VAV3: variants seen among roughly 807,000 people sequenced by gnomAD.
VAV3 encodes the protein guanine nucleotide exchange factor VAV3.
A neutral mutation model predicts 131.2 loss-of-function variants in VAV3; 94 were observed. That is an observed-to-expected ratio of 0.72 (90% CI 0.61 to 0.85). The LOEUF (loss-of-function observed/expected upper bound fraction) is 0.85. Ranked by LOEUF, VAV3 falls within the 40% of genes least tolerant of loss-of-function variation. The pLI is 0.00. For missense variants in VAV3, 939 were observed against 1,002.7 expected, an observed-to-expected ratio of 0.94 and a Z score of 0.86; for synonymous variants, 349 against 342.0, an observed-to-expected ratio of 1.02 and a Z score of -0.22.
intron 22 of VAV3, 93 bp from the exon 23 acceptor site, chr1:107,603,256 C>A: frequency 1.1e-6 from 1 of 884,800 alleles, no homozygotes; most frequent in Non-Finnish European, 1.8e-6. Flanking sequence ...AATTTAGTGG[C>A]AGATCTGAGC....
In VAV3 at chr1:107,815,390, G is replaced by A. The variant is rs148644035; in HGVS notation, c.322-35898C>T. On this transcript the variant is annotated intron_variant, in intron 2 of 26. Transcript: ENST00000370056. ...GCAGCTAAATCAGAGTTCCAGAGTG[G>A]AGGCTGAAGTACAGGATAATTGCCA... Among the ~76,000 whole-genome samples, 44 of 152,294 alleles carry A rather than the reference G, an allele frequency of 2.9e-4. No homozygotes were observed. In the East Asian group the frequency reaches 7.1e-3, roughly 25 times the overall value.
intron 7 of VAV3, among the ~76,000 whole-genome samples, chr1:107,767,582 C>T (rs1198576776): frequency 1.3e-5 from 2 of 152,310 alleles, no homozygotes; most frequent in South Asian, 4.1e-4. Flanking sequence ...GGATGACATG[C>T]CATTGCTTAC....
chr1:107,614,640 A>G (rs1315733785), intron 21 of VAV3, among the ~76,000 whole-genome samples: 2 of 152,158 alleles, frequency 1.3e-5, no homozygotes, highest in Non-Finnish European at 2.9e-5. Flanking sequence ...TTCTTGGGTC[A>G]GCAAATATCA....
intron 6 of VAV3, among the ~76,000 whole-genome samples, 165 bp from the exon 7 acceptor site, chr1:107,768,674 C>G (rs1366757621): frequency 3.9e-5 from 6 of 152,126 alleles, no homozygotes; most frequent in Non-Finnish European, 5.9e-5. Flanking sequence ...AGACTTTACA[C>G]TTGAATAGAT....
chr1:107,684,047 G>C (rs1658843625), intron 18 of VAV3, among the ~76,000 whole-genome samples: 1 of 152,122 alleles, frequency 6.6e-6, no homozygotes, highest in African/African-American at 2.4e-5. Flanking sequence ...TTTAATTATA[G>C]ACCAGTTGTA....
At chr1:107,708,066 A>C (rs1387277800) in intron 15 of VAV3, among the ~76,000 whole-genome samples, 3 of 152,340 alleles carry the variant, frequency 2.0e-5, no homozygotes, top group East Asian at 1.9e-4. Context: ...CATATGCACA[A>C]GCCCTTGGGC....
intron 1 of VAV3, among the ~76,000 whole-genome samples, chr1:107,923,064 A>C (rs1672987831): frequency 6.6e-6 from 1 of 151,892 alleles, no homozygotes; most frequent in South Asian, 2.1e-4. Context: ...CATCACCCTC[A>C]ACAGCTTGCA....
At chr1:107,691,443 T>C (rs1286936636) in intron 17 of VAV3, among the ~76,000 whole-genome samples, 1 of 152,166 alleles carries the variant, frequency 6.6e-6, no homozygotes, top group African/African-American at 2.4e-5. Context: ...GCAATAGAGC[T>C]GAGATAATTA....
At chr1:107,675,339 G>A (rs1244994028) in intron 19 of VAV3, among the ~76,000 whole-genome samples, 2 of 152,130 alleles carry the variant, frequency 1.3e-5, no homozygotes, top group Admixed American at 1.3e-4. Flanking sequence ...AATACTAGGA[G>A]ATGGCTGCTA....
At chr1:107,888,525 C>A (rs1671149326) in intron 1 of VAV3, among the ~76,000 whole-genome samples, 1 of 152,186 alleles carries the variant, frequency 6.6e-6, no homozygotes, top group Admixed American at 6.5e-5. Context: ...ATGGTGCAAT[C>A]TAGGCTCACT....
chr1:107,603,306 T>C (rs1267689964), intron 22 of VAV3, 143 bp from the exon 23 acceptor site: 4 of 634,900 alleles, frequency 6.3e-6, no homozygotes, highest in African/African-American at 1.8e-5. Context: ...TTAAGAAAAA[T>C]AAATCAGAAA....
rs751200085 is a variant in VAV3 at position 107,964,819 on chromosome 1, C to A, written c.51G>T (p.Leu17=). 1.3e-5 allele frequency: 21 copies of A among 1,613,730 alleles called. No individual in the cohort carries two copies. The South Asian group carries it at 2.1e-4, about 16-fold the overall frequency. Residue 17 remains leucine, a synonymous_variant, in exon 1 of 27, where the codon CTG becomes CTT. Transcript: ENST00000370056. Reference sequence around the variant, plus strand: ...CCCAGGTCACCCGGTGGTTGGTGGGCAGCACCTTGCAATGGATGAGCCACT... The same window carrying A: ...CCCAGGTCACCCGGTGGTTGGTGGGAAGCACCTTGCAATGGATGAGCCACT... ...CAQWLIHCKV[L]PTNHRVTWDS... is the part of the protein sequence containing the mutation.
At chr1:107,600,641 T>C (rs1189463026) in intron 24 of VAV3, among the ~76,000 whole-genome samples, 1 of 152,204 alleles carries the variant, frequency 6.6e-6, no homozygotes, top group African/African-American at 2.4e-5. Context: ...AATTTTTTTT[T>C]AATGCTGGGT....
rs74829019 is a variant in VAV3, at chr1:107,706,153, G to A, written c.1503-1092C>T. On this transcript the variant is annotated intron_variant, in intron 15 of 26. Transcript: ENST00000370056. ...CTAGAAAGCTAAAATGATATGCTCC[G>A]AGACGTTACACGCAATTTGAGAGAC... Among the ~76,000 whole-genome samples the A allele has an allele frequency of 5.6e-3, 848 of 152,138 alleles. 10 individuals are homozygous for A. Among genetic ancestry groups the A allele is most frequent in the African/African-American group, 0.018 (748 of 41,498 alleles).
intron 2 of VAV3, among the ~76,000 whole-genome samples, chr1:107,812,678 TTTA>T (rs1263251363): frequency 6.6e-6 from 1 of 152,026 alleles, no homozygotes; most frequent in African/African-American, 2.4e-5. Flanking sequence ...ACATCCAAGG[TTTA>T]TTTCCCATTC....
At chr1:107,757,043 A>C (rs1664139670) in intron 11 of VAV3, among the ~76,000 whole-genome samples, 1 of 151,996 alleles carries the variant, frequency 6.6e-6, no homozygotes, top group South Asian at 2.1e-4. Flanking sequence ...CCAGTAAAAA[A>C]AAAAAAATCC....
intron 7 of VAV3, 88 bp downstream of exon 7, chr1:107,768,353 A>G: frequency 1.1e-6 from 1 of 942,158 alleles, no homozygotes; most frequent in Non-Finnish European, 1.6e-6. Flanking sequence ...AATACAAAAG[A>G]GTATTAAAAT....
intron 19 of VAV3, among the ~76,000 whole-genome samples, chr1:107,654,611 CT>C (rs942189244): frequency 6.6e-6 from 1 of 151,808 alleles, no homozygotes; most frequent in Admixed American, 6.6e-5. Flanking sequence ...ACCTTCCTTC[CT>C]TTTTCCCTCA....
rs116095704 is a variant in VAV3, at chr1:107,893,947, A to G, written c.205-18930T>C. On this transcript the variant is annotated intron_variant, in intron 1 of 26. Coordinates refer to ENST00000370056, the MANE Select transcript of VAV3 (RefSeq NM_006113.5). ...TAAATGTCAGGGCTACCTCTGTGCA[A>G]GAACAGTGCATCATGATTCACCATC... 3.5e-3 allele frequency among the ~76,000 whole-genome samples: 527 copies of G among 152,312 alleles called. 2 individuals are homozygous for G. The highest frequency in any genetic ancestry group is 5.1e-3 in the Non-Finnish European group (347 of 68,010).
Sources: gnomAD v4.1 joint callset for allele counts (sites outside exome capture counted in the v4.1 genomes callset) on GRCh38, gnomAD v4.1.1 for gene constraint, MANE v1.5 for transcripts, NCBI Gene and HGNC (gene_info 2026-07-23, HGNC 2026-07-21) for gene names.